TRNT1: variants seen among roughly 807,000 people sequenced by gnomAD.
TRNT1 encodes the protein CCA tRNA nucleotidyltransferase 1, mitochondrial.
Under a neutral mutation model 45.6 loss-of-function variants are expected in TRNT1, and 44 were observed. The observed-to-expected ratio is 0.97, with a 90% CI of 0.76 to 1.24. The LOEUF (loss-of-function observed/expected upper bound fraction) is 1.24, where lower values mean the gene tolerates loss of function less well. Among genes scored for constraint, TRNT1 ranks in the 50% most tolerant of loss-of-function variants. TRNT1 has a pLI of 0.00. For missense variants in TRNT1, 633 were observed against 504.4 expected (o/e 1.25, Z -2.44); for synonymous variants, 201 against 171.4 (o/e 1.17, Z -1.35).
At chr3:3,131,760 G>A (rs1159814401) in intron 2 of TRNT1, 1 of 81,808 alleles carries the variant, frequency 1.2e-5, no homozygotes, top group African/African-American at 3.7e-5. Context: ...CAACATGGGA[G>A]AAAATTTTCG....
At chr3:3,137,496 A>G (rs1397422344) in intron 3 of TRNT1, 43 bp downstream of exon 3, 30 of 1,501,924 alleles carry the variant, frequency 2.0e-5, no homozygotes, top group Non-Finnish European at 2.7e-5. Context: ...CTTTTTTGGT[A>G]ATTTTTAAAA....
chr3:3,151,162 G>GTTGA, downstream of TRNT1: 1 of 1,105,986 alleles, frequency 9.0e-7, no homozygotes, highest in Non-Finnish European at 1.3e-6. Flanking sequence ...GAGATTCTAA[G>GTTGA]TTGAGATTTG....
In TRNT1 at chr3:3,146,410, G is replaced by A. The variant is rs750917684; in HGVS notation, c.609-20G>A. ...TATGCCAATATAGAGGTAATACCCT[G>A]TGAAGATTTTGTCTTGTAGGTTTTA... On this transcript the variant is annotated intron_variant, in intron 5 of 7. Transcript: ENST00000251607. 6.3e-7 allele frequency: 1 copy of A among 1,595,572 alleles called. No homozygotes were observed. Among genetic ancestry groups the A allele is most frequent in the East Asian group, 2.2e-5 (1 of 44,758 alleles).
At chr3:3,128,933 C>G (rs1230100682) in intron 1 of TRNT1, 81 bp from the exon 2 acceptor site, 1 of 1,093,820 alleles carries the variant, frequency 9.1e-7, no homozygotes, top group Non-Finnish European at 1.3e-6. Context: ...AGTTGATAAA[C>G]TTGAAATGTG....
Position 3,148,061 on chromosome 3 carries a change from T to A in TRNT1, c.1212T>A (p.Ile404=). ...TGGGCATTTCTTCAGGAAAAGAAAT[T>A]GGGGCTCTATTACAACAGTTGCGAG... ...RKVGISSGKE[I]GALLQQLREQ... Residue 404 remains isoleucine (I), a synonymous_variant, in exon 8 of 8, where the codon ATT becomes ATA. Coordinates refer to ENST00000251607, the MANE Select transcript of TRNT1 (RefSeq NM_182916.3). The A allele has an allele frequency of 6.2e-7, 1 of 1,613,862 alleles. No individual in the cohort carries two copies. The highest frequency in any genetic ancestry group is 8.5e-7 in the Non-Finnish European group (1 of 1,179,814).
chr3:3,129,632 C>G, intron 2 of TRNT1: 1 of 557,758 alleles, frequency 1.8e-6, no homozygotes, highest in Non-Finnish European at 3.2e-6. Flanking sequence ...ATGGCTGATC[C>G]AAAAATATAG....
chr3:3,128,972 C>T (rs1042207137), intron 1 of TRNT1, 42 bp from the exon 2 acceptor site: 23 of 1,409,566 alleles, frequency 1.6e-5, no homozygotes, highest in Non-Finnish European at 2.2e-5. Flanking sequence ...CACTTACCTT[C>T]ACTTTTAATT....
In TRNT1 at chr3:3,140,659, C is replaced by T; in HGVS notation, c.481+11C>T. The T allele has an allele frequency of 1.9e-6, 3 of 1,612,600 alleles. No homozygotes were observed. Among genetic ancestry groups the T allele is most frequent in the Non-Finnish European group, 2.5e-6 (3 of 1,179,278 alleles). ...ATTCTATGTTTTTAGGTAATATTTG[C>T]AGATAAAACCATATTGTGAGTCTAT... is the stretch of plus-strand genomic sequence containing the variant. On this transcript the variant is annotated intron_variant, in intron 4 of 7. Coordinates refer to ENST00000251607, the MANE Select transcript of TRNT1 (RefSeq NM_182916.3).
chr3:3,130,947 T>C (rs1704981555), intron 2 of TRNT1, among the ~76,000 whole-genome samples: 1 of 151,824 alleles, frequency 6.6e-6, no homozygotes. Context: ...GCAAGCATAC[T>C]GATATGTGTC....
intron 2 of TRNT1, among the ~76,000 whole-genome samples, chr3:3,133,467 G>T (rs953452016): frequency 3.9e-5 from 6 of 152,018 alleles, no homozygotes; most frequent in Admixed American, 3.9e-4. Flanking sequence ...GCTGAGGCAG[G>T]GGGTTCCTTG....
chr3:3,148,150 C>G lies in TRNT1; in HGVS notation c.1301C>G (p.Thr434Ser). 6.2e-7 allele frequency: 1 copy of G among 1,611,738 alleles called. No homozygotes were observed. Among genetic ancestry groups the G allele is most frequent in the Non-Finnish European group, 8.5e-7 (1 of 1,178,952 alleles). The change falls in exon 8 of 8, where the codon ACC (threonine) becomes AGC (serine). Residue 434 changes from threonine (T) to serine (S), a missense_variant. Coordinates refer to ENST00000251607, the MANE Select transcript of TRNT1 (RefSeq NM_182916.3). ...GAACTTCTGAGTTACATAAAGAAGA[C>G]CTAAAACTGATGGCTACTAAAAAGC... ...KDELLSYIKK[T>S]
chr3:3,148,011 G>T lies in TRNT1; in HGVS notation c.1162G>T (p.Val388Leu). ...GCAGTGGTCCATTCCTCCATTTCCT[G>T]TAAGTGGCCATGACATCAGAAAAGT... is the stretch of plus-strand genomic sequence containing the variant. The part of the protein sequence containing the change: ...MQQWSIPPFP[V>L]SGHDIRKVGI... Residue 388 changes from valine to leucine, a missense_variant, in exon 8 of 8, where the codon GTA (valine) becomes TTA (leucine). By Grantham distance (32) the Val-to-Leu change is conservative. Transcript: ENST00000251607. The T allele has an allele frequency of 6.2e-7, 1 of 1,613,996 alleles. No homozygotes were observed. The highest frequency in any genetic ancestry group is 8.5e-7 in the Non-Finnish European group (1 of 1,179,906).
rs1433500811 is a variant in TRNT1 at position 3,144,659 on chromosome 3, A to T, written c.557A>T (p.His186Leu). The T allele has an allele frequency of 6.3e-7, 1 of 1,579,816 alleles. No individual in the cohort carries two copies. The highest frequency in any genetic ancestry group is 8.7e-7 in the Non-Finnish European group (1 of 1,154,494). ...LKNKKVRFVGHAKQRIQEDYL... is the reference protein window; with the variant it reads ...LKNKKVRFVGLAKQRIQEDYL... ...AATAAGAAAGTTAGATTTGTTGGAC[A>T]TGCTAAACAGAGAATACAAGAGGAT... The change falls in exon 5 of 8, where the codon CAT becomes CTT. Residue 186 changes from histidine (H) to leucine (L), a missense_variant. Transcript: ENST00000251607.
chr3:3,134,131 A>T lies in TRNT1; in HGVS notation c.149-3129A>T, dbSNP rs144773586. Among the ~76,000 whole-genome samples, 141 of 152,288 alleles carry T rather than the reference A, an allele frequency of 9.3e-4. 2 individuals carry two copies. In the East Asian group the frequency reaches 0.024, roughly 25 times the overall value. On this transcript the variant is annotated intron_variant, in intron 2 of 7. Coordinates refer to ENST00000251607, the MANE Select transcript of TRNT1 (RefSeq NM_182916.3). ...CTTAAGTTTACAGTTAAATTTAGTT[A>T]CATTAGGTGTTATTTTCACTGAATT...
intron 4 of TRNT1, among the ~76,000 whole-genome samples, chr3:3,143,834 GGT>G (rs1705811994): frequency 6.6e-6 from 1 of 152,216 alleles, no homozygotes; most frequent in East Asian, 1.9e-4. Context: ...CTCCAACCAG[GGT>G]GACAAAGTGA....
At chr3:3,147,136 G>A (rs1026934515) in intron 6 of TRNT1, among the ~76,000 whole-genome samples, 1 of 152,168 alleles carries the variant, frequency 6.6e-6, no homozygotes, top group South Asian at 2.1e-4. Flanking sequence ...GGTGGATCTT[G>A]TATCAGTGTA....
In TRNT1 at chr3:3,129,431, A is replaced by G. The variant is rs1351866899; in HGVS notation, c.148+243A>G. The G allele has an allele frequency of 1.1e-5, 5 of 448,024 alleles. No individual in the cohort carries two copies. The East Asian group carries it at 2.2e-4, about 20-fold the overall frequency. 27.8% of individuals were successfully genotyped at this position (448,024 alleles called of 1,614,324 possible). A position where few individuals can be genotyped will look rare whatever the true frequency, so the allele number is the denominator to read the frequency against. ...CACGGTGCCCAATGTGCACGTTTTCATTGTTGGAAGAAAGGCTTGGCTGGG... is the reference window on the plus strand; with the variant it reads ...CACGGTGCCCAATGTGCACGTTTTCGTTGTTGGAAGAAAGGCTTGGCTGGG... On this transcript the variant is annotated intron_variant, in intron 2 of 7. Transcript: ENST00000251607.
intron 1 of TRNT1, among the ~76,000 whole-genome samples, chr3:3,128,408 C>G: frequency 6.6e-6 from 1 of 151,988 alleles, no homozygotes; most frequent in Non-Finnish European, 1.5e-5. Context: ...AGCAGTCTGG[C>G]CAACGTGGTA....
chr3:3,146,564 G>A lies in TRNT1; in HGVS notation c.743G>A (p.Gly248Asp), dbSNP rs146909954. 7 of 1,613,790 alleles carry A rather than the reference G, an allele frequency of 4.3e-6. No individual in the cohort carries two copies. The African/African-American group carries it at 6.7e-5, about 15-fold the overall frequency. Reference protein sequence around the residue: ...IWVELKKILVGNHVNHLIHLI... With the variant: ...IWVELKKILVDNHVNHLIHLI... ...GTGGAACTGAAAAAAATTCTTGTTG[G>A]TAACCATGTAAATCATTTGATTCAC... The change falls in exon 6 of 8, where the codon GGT (glycine) becomes GAT (aspartate). Residue 248 changes from glycine to aspartate, a missense_variant. Coordinates refer to ENST00000251607, the MANE Select transcript of TRNT1 (RefSeq NM_182916.3).
Sources: gnomAD v4.1 joint callset for allele counts (sites outside exome capture counted in the v4.1 genomes callset) on GRCh38, gnomAD v4.1.1 for gene constraint, MANE v1.5 for transcripts, NCBI Gene and HGNC (gene_info 2026-07-23, HGNC 2026-07-21) for gene names.